ZNF385B: variants seen among roughly 807,000 people sequenced by gnomAD.
The protein encoded by ZNF385B is zinc finger protein 533.
Under a neutral mutation model 39.2 loss-of-function variants are expected in ZNF385B, and 23 were observed. The ratio of observed to expected loss-of-function variants is 0.59; its 90% CI spans 0.42 to 0.83. The LOEUF is 0.83. ZNF385B is among the 40% of genes least tolerant of loss of function. ZNF385B has a pLI of 0.00. For missense variants in ZNF385B, 552 were observed against 598.9 expected (o/e 0.92, Z 0.82); for synonymous variants, 205 against 222.6 (o/e 0.92, Z 0.70).
intron 1 of ZNF385B, among the ~76,000 whole-genome samples, chr2:179,831,948 A>C (rs1254118682): frequency 6.6e-6 from 1 of 152,226 alleles, no homozygotes; most frequent in Non-Finnish European, 1.5e-5. Flanking sequence ...GACAGAAAGA[A>C]ATAGTTCAGG....
At chr2:179,488,198 C>T (rs1322750303) in intron 5 of ZNF385B, among the ~76,000 whole-genome samples, 2 of 151,914 alleles carry the variant, frequency 1.3e-5, no homozygotes, top group Admixed American at 1.3e-4. Flanking sequence ...GGCTGGAGTG[C>T]AGTGGTGCAA....
intron 3 of ZNF385B, among the ~76,000 whole-genome samples, chr2:179,592,019 G>A (rs1048420512): frequency 1.3e-5 from 2 of 152,140 alleles, no homozygotes; most frequent in African/African-American, 2.4e-5. Flanking sequence ...TAGGTATCTT[G>A]TGATTACAAA....
At chr2:179,831,736 A>G (rs1365737776) in intron 1 of ZNF385B, among the ~76,000 whole-genome samples, 2 of 152,250 alleles carry the variant, frequency 1.3e-5, no homozygotes, top group South Asian at 4.1e-4. Context: ...AGTACTGGGT[A>G]TTTGGGCAAA....
chr2:179,481,446 C>T (rs1339662350), intron 6 of ZNF385B, among the ~76,000 whole-genome samples: 1 of 150,232 alleles, frequency 6.7e-6, no homozygotes, highest in Non-Finnish European at 1.5e-5. Flanking sequence ...TAATTATCTG[C>T]TTTTTTAAAA....
At chr2:179,840,554 G>A (rs989299400) in intron 1 of ZNF385B, among the ~76,000 whole-genome samples, 1 of 152,206 alleles carries the variant, frequency 6.6e-6, no homozygotes, top group Non-Finnish European at 1.5e-5. Flanking sequence ...GATAAATTCA[G>A]TACCAGCATT....
At chr2:179,783,465 A>G (rs1411100751) in intron 1 of ZNF385B, among the ~76,000 whole-genome samples, 1 of 152,200 alleles carries the variant, frequency 6.6e-6, no homozygotes, top group Non-Finnish European at 1.5e-5. Context: ...TCACAACAAA[A>G]ACAAAAATTG....
At chr2:179,746,737 T>C (rs1702405049) in intron 3 of ZNF385B, among the ~76,000 whole-genome samples, 1 of 152,134 alleles carries the variant, frequency 6.6e-6, no homozygotes, top group Non-Finnish European at 1.5e-5. Context: ...CTTTCTGTTT[T>C]GTTACTAAAA....
chr2:179,473,552 C>T (rs1021689205), intron 6 of ZNF385B, among the ~76,000 whole-genome samples: 1 of 152,172 alleles, frequency 6.6e-6, no homozygotes, highest in Non-Finnish European at 1.5e-5. Flanking sequence ...GCTTTAAGTT[C>T]TGGGATACAC....
chr2:179,635,853 A>G (rs1345213971), intron 3 of ZNF385B, among the ~76,000 whole-genome samples: 1 of 151,998 alleles, frequency 6.6e-6, no homozygotes, highest in East Asian at 1.9e-4. Context: ...TAAATTTTTG[A>G]TAGTTGGAAC....
chr2:179,466,361 T>A (rs1182567555), intron 6 of ZNF385B, among the ~76,000 whole-genome samples: 1 of 152,036 alleles, frequency 6.6e-6, no homozygotes, highest in African/African-American at 2.4e-5. Context: ...AGCTAAGGCA[T>A]ATACCTCTGC....
intron 3 of ZNF385B, among the ~76,000 whole-genome samples, chr2:179,766,025 A>G (rs1181199074): frequency 5.0e-5 from 3 of 59,568 alleles, no homozygotes; most frequent in Non-Finnish European, 1.0e-4. Context: ...ACTTTGGTAC[A>G]TTGATCACAC....
chr2:179,751,822 T>TAAA (rs1226890617), intron 3 of ZNF385B, among the ~76,000 whole-genome samples: 1 of 152,092 alleles, frequency 6.6e-6, no homozygotes, highest in East Asian at 1.9e-4. Flanking sequence ...TGCTGCAAAA[T>TAAA]ACCCAGGTTT....
At chr2:179,817,537 T>A (rs913653634) in intron 1 of ZNF385B, among the ~76,000 whole-genome samples, 1 of 152,154 alleles carries the variant, frequency 6.6e-6, no homozygotes, top group African/African-American at 2.4e-5. Context: ...GTCACCCACC[T>A]CTAAGTTAAA....
chr2:179,467,283 T>C (rs2052168761), intron 6 of ZNF385B, among the ~76,000 whole-genome samples: 1 of 152,218 alleles, frequency 6.6e-6, no homozygotes, highest in Non-Finnish European at 1.5e-5. Flanking sequence ...TAGTATAGTA[T>C]AGTACAGGCT....
rs550797904 is a variant in ZNF385B, at chr2:179,521,192, T to C, written c.442-2554A>G. On this transcript the variant is annotated intron_variant, in intron 4 of 9. Transcript: ENST00000410066. Reference sequence around the variant, plus strand: ...GTTTTTTTTGTTTTTGTTTTTGTTTTTGTTTTTGTTTTGAGGCAGAGTCTT... The same window carrying C: ...GTTTTTTTTGTTTTTGTTTTTGTTTCTGTTTTTGTTTTGAGGCAGAGTCTT... Among the ~76,000 whole-genome samples the C allele has an allele frequency of 1.7e-4, 26 of 151,722 alleles. No individual in the cohort carries two copies. In the South Asian group the frequency reaches 5.4e-3, roughly 32 times the overall value.
intron 3 of ZNF385B, among the ~76,000 whole-genome samples, chr2:179,600,266 T>C (rs567838970): frequency 6.6e-6 from 1 of 152,258 alleles, no homozygotes; most frequent in South Asian, 2.1e-4. Flanking sequence ...AACAATGGGC[T>C]CAATAAAGAA....
At chr2:179,491,070 C>T (rs1321707507) in intron 5 of ZNF385B, among the ~76,000 whole-genome samples, 2 of 152,018 alleles carry the variant, frequency 1.3e-5, no homozygotes, top group African/African-American at 4.8e-5. Context: ...AAATTATAGA[C>T]ATTTTATTTT....
chr2:179,809,791 C>A (rs189506978), intron 1 of ZNF385B, among the ~76,000 whole-genome samples: 1 of 151,798 alleles, frequency 6.6e-6, no homozygotes, highest in African/African-American at 2.4e-5. Context: ...CCTGAATTAT[C>A]GAGAAAAAAA....
chr2:179,466,111 C>G (rs987215462), intron 6 of ZNF385B, among the ~76,000 whole-genome samples: 1 of 152,146 alleles, frequency 6.6e-6, no homozygotes, highest in Non-Finnish European at 1.5e-5. Context: ...TTACGCATAT[C>G]ATTGTTGTCA....
Sources: gnomAD v4.1 joint callset for allele counts (sites outside exome capture counted in the v4.1 genomes callset) on GRCh38, gnomAD v4.1.1 for gene constraint, MANE v1.5 for transcripts, NCBI Gene and HGNC (gene_info 2026-07-23, HGNC 2026-07-21) for gene names.